Variants in SOX7 observed in about 807,000 individuals in gnomAD.
SOX7 encodes SRY-box transcription factor 7, also known as transcription factor SOX-7.
Under a neutral mutation model 24.9 loss-of-function variants are expected in SOX7, and 19 were observed. The ratio of observed to expected loss-of-function variants is 0.76; its 90% CI spans 0.53 to 1.12. The LOEUF (loss-of-function observed/expected upper bound fraction) is 1.12. SOX7 is among the 50% of genes most tolerant of loss of function. The pLI, the probability that SOX7 is intolerant of heterozygous loss-of-function variation, is 0.00. For missense variants in SOX7, 702 were observed against 535.0 expected, an observed-to-expected ratio of 1.31 and a Z score of -3.08; for synonymous variants, 327 against 244.5, an observed-to-expected ratio of 1.34 and a Z score of -3.15.
In SOX7 at chr8:10,725,517, T is replaced by A. The variant is rs942346105; in HGVS notation, c.*221A>T. On this transcript the variant is annotated 3_prime_UTR_variant, in exon 2 of 2. Transcript: ENST00000304501. Reference sequence around the variant, plus strand: ...GGAGGAAAACTCACTTGAAGGAATATACTTAAAATGTGGGCTGCAGGGGCT... The same window carrying A: ...GGAGGAAAACTCACTTGAAGGAATAAACTTAAAATGTGGGCTGCAGGGGCT... 5.1e-6 allele frequency: 3 copies of A among 587,970 alleles called. No individual in the cohort carries two copies. The highest frequency in any genetic ancestry group is 6.1e-6 in the Non-Finnish European group (2 of 330,514). The allele number at this position is 587,970 out of a possible 1,614,324, so 36.4% of individuals were successfully genotyped here. A position where few individuals can be genotyped will look rare whatever the true frequency, so the allele number is the denominator to read the frequency against.
chr8:10,725,309 C>A lies in SOX7; in HGVS notation c.*429G>T, dbSNP rs142619492. The A allele has an allele frequency of 5.1e-6, 1 of 195,568 alleles. No individual in the cohort carries two copies. The highest frequency in any genetic ancestry group is 1.1e-5 in the Non-Finnish European group (1 of 94,718). The allele number at this position is 195,568 out of a possible 1,614,324, so 12.1% of individuals were successfully genotyped here. Reference sequence around the variant, plus strand: ...AAATTATCACCAGATCGTAGGTTAGCGAGCTCATTAATGAGTCAAATTTCC... The same window carrying A: ...AAATTATCACCAGATCGTAGGTTAGAGAGCTCATTAATGAGTCAAATTTCC... On this transcript the variant is annotated 3_prime_UTR_variant, in exon 2 of 2. Coordinates refer to ENST00000304501, the MANE Select transcript of SOX7 (RefSeq NM_031439.4).
In SOX7 at chr8:10,726,350, A is replaced by C; in HGVS notation, c.555T>G (p.Gly185=). The change falls in exon 2 of 2, where the codon GGT becomes GGG. Residue 185 remains glycine (G), a synonymous_variant. Transcript: ENST00000304501. ...CACTGCTCGGGGTGCCGCCGCCGCC[A>C]CCACCAGCCGGCCCCTCGTGGTAGC... ...RGCYHEGPAG[G]GGGGTPSSVD... The C allele has an allele frequency of 6.2e-7, 1 of 1,612,296 alleles. No homozygotes were observed. The highest frequency in any genetic ancestry group is 8.5e-7 in the Non-Finnish European group (1 of 1,179,590).
rs546472386 is a variant in SOX7, at chr8:10,725,024, G to C, written c.*714C>G. 6.6e-6 allele frequency: 1 copy of C among 152,410 alleles called. No individual in the cohort carries two copies. The highest frequency in any genetic ancestry group is 2.1e-4 in the South Asian group (1 of 4,832). 9.4% of individuals were successfully genotyped at this position (152,410 alleles called of 1,614,324 possible). ...GGCGTGAGCCACCGTGCCCGGCCTA[G>C]ACTGTGCATATTCTCTTGAAGTGTG... On this transcript the variant is annotated 3_prime_UTR_variant, in exon 2 of 2. Transcript: ENST00000304501.
intron 1 of SOX7, among the ~76,000 whole-genome samples, chr8:10,727,367 G>A (rs1157297757): frequency 1.3e-5 from 2 of 152,094 alleles, no homozygotes; most frequent in Admixed American, 6.5e-5. Context: ...CATGCAAACC[G>A]TCACTTCCAG....
At position 10,726,440 on chromosome 8, in the gene SOX7, C is replaced by T; in HGVS notation, c.465G>A (p.Ala155=). 5 of 1,612,142 alleles carry T rather than the reference C, an allele frequency of 3.1e-6. No individual in the cohort carries two copies. The highest frequency in any genetic ancestry group is 4.2e-6 in the Non-Finnish European group (5 of 1,179,646). The change falls in exon 2 of 2, where the codon GCG becomes GCA. Residue 155 remains alanine, a synonymous_variant. Coordinates refer to ENST00000304501, the MANE Select transcript of SOX7 (RefSeq NM_031439.4). ...LPEKRSGSRG[A]LGEKEDRGEY... is the part of the protein sequence containing the mutation. ...CACCCCTGTCCTCCTTCTCCCCCAG[C>T]GCCCCCCGGCTGCCGCTTCTCTTCT... is the stretch of plus-strand genomic sequence containing the variant.
chr8:10,727,884 C>T (rs920224834), intron 1 of SOX7, among the ~76,000 whole-genome samples: 4 of 152,234 alleles, frequency 2.6e-5, no homozygotes, highest in East Asian at 1.9e-4. Flanking sequence ...GGTGCAGAGC[C>T]GTGCACACAG....
chr8:10,728,383 C>T (rs1800195695), intron 1 of SOX7, among the ~76,000 whole-genome samples: 1 of 152,172 alleles, frequency 6.6e-6, no homozygotes, highest in South Asian at 2.1e-4. Context: ...GCATATCCAG[C>T]CTTTTCCTCT....
At chr8:10,727,588 T>A (rs1328346346) in intron 1 of SOX7, among the ~76,000 whole-genome samples, 1 of 152,222 alleles carries the variant, frequency 6.6e-6, no homozygotes. Flanking sequence ...GCGCTTGATC[T>A]TCTATTCACC....
At chr8:10,729,881 C>T (rs565760912) in intron 1 of SOX7, among the ~76,000 whole-genome samples, 4 of 152,238 alleles carry the variant, frequency 2.6e-5, no homozygotes, top group Admixed American at 6.5e-5. Context: ...GTCCCTGTCG[C>T]CAGGCGTCCT....
At position 10,730,299 on chromosome 8, in the gene SOX7, G is replaced by C. The variant is rs761716324; in HGVS notation, c.135C>G (p.Ile45Met). The C allele has an allele frequency of 1.9e-6, 3 of 1,580,464 alleles. No homozygotes were observed. The highest frequency in any genetic ancestry group is 2.6e-6 in the Non-Finnish European group (3 of 1,165,422). Residue 45 changes from isoleucine (I) to methionine (M), a missense_variant, in exon 1 of 2, where the codon ATC becomes ATG. By Grantham distance (10) the Ile-to-Met change is conservative (BLOSUM62 1). Transcript: ENST00000304501. This position sits in a 1 kb window ranked among gnomAD's most constrained non-coding sequence, Gnocchi z 4.8. The part of the protein sequence containing the change: ...PPGDKGSESR[I>M]RRPMNAFMVW... ...CCATGAAGGCGTTCATGGGCCGCCG[G>C]ATACGGCTCTCGGAGCCCTTGTCCC...
chr8:10,729,831 G>A (rs913484041), intron 1 of SOX7, among the ~76,000 whole-genome samples: 1 of 152,032 alleles, frequency 6.6e-6, no homozygotes, highest in African/African-American at 2.4e-5. Context: ...GTTCCACCCA[G>A]CCTCAAACGT....
At position 10,723,818 on chromosome 8, in the gene SOX7, T is replaced by C. The variant is rs1446804807; in HGVS notation, c.*1920A>G. ...ATTAAATATTTGCAACAAATTAATA[T>C]TGACAACTGTTCCAAAGTATGAGTT... On this transcript the variant is annotated 3_prime_UTR_variant, in exon 2 of 2. Coordinates refer to ENST00000304501, the MANE Select transcript of SOX7 (RefSeq NM_031439.4). 1 of 152,672 alleles carries C rather than the reference T, an allele frequency of 6.5e-6. No individual in the cohort carries two copies. The highest frequency in any genetic ancestry group is 6.5e-5 in the Admixed American group (1 of 15,286). The allele number at this position is 152,672 out of a possible 1,614,324, so 9.5% of individuals were successfully genotyped here.
chr8:10,726,878 C>G (rs1800166797), intron 1 of SOX7, among the ~76,000 whole-genome samples: 1 of 152,184 alleles, frequency 6.6e-6, no homozygotes, highest in African/African-American at 2.4e-5. Flanking sequence ...ATCCAGAAAG[C>G]CAGATCGTGC....
chr8:10,726,443 C>G lies in SOX7; in HGVS notation c.462G>C (p.Gly154=). Residue 154 remains glycine, a synonymous_variant, in exon 2 of 2, where the codon GGG becomes GGC. Transcript: ENST00000304501. ...ALPEKRSGSR[G]ALGEKEDRGE... Reference sequence around the variant, plus strand: ...CCCTGTCCTCCTTCTCCCCCAGCGCCCCCCGGCTGCCGCTTCTCTTCTCCG... The same window carrying G: ...CCCTGTCCTCCTTCTCCCCCAGCGCGCCCCGGCTGCCGCTTCTCTTCTCCG... 6.2e-7 allele frequency: 1 copy of G among 1,612,202 alleles called. No homozygotes were observed. The highest frequency in any genetic ancestry group is 8.5e-7 in the Non-Finnish European group (1 of 1,179,706).
Position 10,726,310 on chromosome 8 carries a change from A to T in SOX7, c.595T>A (p.Tyr199Asn). Residue 199 changes from tyrosine to asparagine, a missense_variant, in exon 2 of 2, where the codon TAC becomes AAC. Physicochemically the swap from Tyr to Asn is moderately radical, Grantham distance 143. Coordinates refer to ENST00000304501, the MANE Select transcript of SOX7 (RefSeq NM_031439.4). Reference protein sequence around the residue: ...GTPSSVDTYPYGLPTPPEMSP... With the variant: ...GTPSSVDTYPNGLPTPPEMSP... ...ATTTCAGGAGGTGTGGGCAGCCCGT[A>T]CGGGTACGTGTCCACACTGCTCGGG... 1.2e-6 allele frequency: 2 copies of T among 1,613,652 alleles called. No individual in the cohort carries two copies. Among genetic ancestry groups the T allele is most frequent in the Non-Finnish European group, 1.7e-6 (2 of 1,179,932 alleles).
At position 10,726,172 on chromosome 8, in the gene SOX7, C is replaced by G; in HGVS notation, c.733G>C (p.Glu245Gln). 6.2e-7 allele frequency: 1 copy of G among 1,608,782 alleles called. No individual in the cohort carries two copies. Among genetic ancestry groups the G allele is most frequent in the Non-Finnish European group, 8.5e-7 (1 of 1,177,524 alleles). ...PHLPGHPYSP[E>Q]YAPSPLHCSH... ...CAGTGGAGAGGGCTTGGGGCGTACT[C>G]CGGTGAGTACGGGTGCCCTGGCAGG... The change falls in exon 2 of 2, where the codon GAG becomes CAG. Residue 245 changes from glutamate (E) to glutamine (Q), a missense_variant. Glu to Gln is a conservative substitution (Grantham distance 29, BLOSUM62 2). Coordinates refer to ENST00000304501, the MANE Select transcript of SOX7 (RefSeq NM_031439.4).
At chr8:10,727,642 C>T (rs1800181008) in intron 1 of SOX7, among the ~76,000 whole-genome samples, 1 of 152,188 alleles carries the variant, frequency 6.6e-6, no homozygotes, top group Non-Finnish European at 1.5e-5. Context: ...GGAGCATCTT[C>T]CCTCATCTAT....
chr8:10,726,418 C>G lies in SOX7; in HGVS notation c.487G>C (p.Gly163Arg). The G allele has an allele frequency of 6.2e-7, 1 of 1,612,356 alleles. No homozygotes were observed. Among genetic ancestry groups the G allele is most frequent in the Non-Finnish European group, 8.5e-7 (1 of 1,179,536 alleles). The change falls in exon 2 of 2, where the codon GGT (glycine) becomes CGT (arginine). Residue 163 changes from glycine to arginine, a missense_variant. Transcript: ENST00000304501. ...RGALGEKEDRGEYSPGTALPS... is the reference protein window; with the variant it reads ...RGALGEKEDRREYSPGTALPS... Reference sequence around the variant, plus strand: ...AGGGCAGTGCCGGGGGAGTACTCACCCCTGTCCTCCTTCTCCCCCAGCGCC... The same window carrying G: ...AGGGCAGTGCCGGGGGAGTACTCACGCCTGTCCTCCTTCTCCCCCAGCGCC...
chr8:10,727,299 T>C (rs902774279), intron 1 of SOX7, among the ~76,000 whole-genome samples: 1 of 152,146 alleles, frequency 6.6e-6, no homozygotes, highest in African/African-American at 2.4e-5. Context: ...GCCAGAATGC[T>C]AGCATCTGCT....
Sources: allele counts gnomAD v4.1 joint callset (sites outside exome capture counted in the v4.1 genomes callset), GRCh38; gene constraint gnomAD v4.1.1; non-coding constraint Gnocchi (gnomAD v3.1); transcripts MANE v1.5; gene names NCBI Gene and HGNC (gene_info 2026-07-23, HGNC 2026-07-21).